Variants in WDR7 observed in about 807,000 individuals in gnomAD.
WDR7 encodes the protein WD repeat-containing protein 7.
In WDR7, 46 loss-of-function variants were observed where a neutral mutation model predicts 169.4. The ratio of observed to expected loss-of-function variants is 0.27; its 90% CI spans 0.21 to 0.35. The LOEUF (loss-of-function observed/expected upper bound fraction) is 0.35, where lower values mean the gene tolerates loss of function less well. WDR7 is among the 10% of genes least tolerant of loss of function. The pLI is 1.00. For missense variants in WDR7, 1,534 were observed against 1,859.3 expected, an observed-to-expected ratio of 0.83 and a Z score of 3.22; for synonymous variants, 612 against 666.8, an observed-to-expected ratio of 0.92 and a Z score of 1.27.
intron 26 of WDR7, among the ~76,000 whole-genome samples, chr18:57,006,907 G>C (rs946797122): frequency 5.3e-5 from 8 of 151,818 alleles, no homozygotes; most frequent in African/African-American, 1.9e-4. Flanking sequence ...ATGTGTGTAT[G>C]TATGTATACA....
At chr18:56,690,024 A>T (rs2025530499) in intron 7 of WDR7, among the ~76,000 whole-genome samples, 1 of 152,022 alleles carries the variant, frequency 6.6e-6, no homozygotes, top group Non-Finnish European at 1.5e-5. Context: ...GTAAAATAAA[A>T]CCTCTGATCT....
At chr18:56,709,619 T>C (rs886852457) in intron 12 of WDR7, among the ~76,000 whole-genome samples, 1 of 152,178 alleles carries the variant, frequency 6.6e-6, no homozygotes, top group Non-Finnish European at 1.5e-5. Context: ...AGTTAGCAAA[T>C]GGCAGAGCTC....
chr18:57,025,542 A>G (rs1310217310), intron 27 of WDR7, among the ~76,000 whole-genome samples: 4 of 152,194 alleles, frequency 2.6e-5, no homozygotes, highest in Non-Finnish European at 5.9e-5. Flanking sequence ...ACTTTAACAG[A>G]AAGAGTTAAC....
chr18:56,847,514 A>G (rs889302646), intron 20 of WDR7, among the ~76,000 whole-genome samples: 1 of 152,188 alleles, frequency 6.6e-6, no homozygotes, highest in South Asian at 2.1e-4. Context: ...CTTGCTAGAG[A>G]GGTTAGTGTG....
intron 26 of WDR7, among the ~76,000 whole-genome samples, chr18:56,981,565 G>A (rs1457421201): frequency 6.6e-6 from 1 of 152,148 alleles, no homozygotes; most frequent in Admixed American, 6.5e-5. Context: ...GATGCATCTG[G>A]CAACAATGGG....
chr18:56,909,253 G>A (rs1322352809), intron 21 of WDR7, among the ~76,000 whole-genome samples: 1 of 152,002 alleles, frequency 6.6e-6, no homozygotes, highest in African/African-American at 2.4e-5. Flanking sequence ...AGAAAGAAGG[G>A]TAGCATTTGG....
intron 22 of WDR7, 140 bp from the exon 23 acceptor site, chr18:56,935,648 A>G: frequency 1.3e-6 from 1 of 750,540 alleles, no homozygotes; most frequent in Non-Finnish European, 2.3e-6. Flanking sequence ...ATCACTGCCC[A>G]TTGTTGCAAG....
chr18:56,925,854 G>A (rs187662494), intron 22 of WDR7, among the ~76,000 whole-genome samples: 35 of 152,138 alleles, frequency 2.3e-4, no homozygotes, highest in South Asian at 6.2e-4. Flanking sequence ...ACTTTACCTC[G>A]GTGTCTCCCT....
rs141076721 is a variant in WDR7, at chr18:57,027,057, G to A, written c.4323G>A (p.Leu1441=). The A allele has an allele frequency of 2.9e-4, 466 of 1,614,132 alleles. No individual in the cohort carries two copies. The African/African-American group carries it at 5.5e-3, about 19-fold the overall frequency. Residue 1441 remains leucine (L), a synonymous_variant, in exon 28 of 28, where the codon CTG becomes CTA. Transcript: ENST00000254442. The part of the protein sequence containing the change: ...SIGMLNSAPQ[L]RCIKTYQVPP... ...GCATGCTGAACTCGGCACCTCAGCTGCGCTGCATTAAAACCTACCAGGTGC... is the reference window on the plus strand; with the variant it reads ...GCATGCTGAACTCGGCACCTCAGCTACGCTGCATTAAAACCTACCAGGTGC...
intron 26 of WDR7, among the ~76,000 whole-genome samples, chr18:56,965,634 G>A (rs1198919982): frequency 2.0e-5 from 3 of 151,970 alleles, no homozygotes; most frequent in African/African-American, 7.3e-5. Flanking sequence ...ACACACATTC[G>A]TTTATATATT....
rs117136204 is a variant in WDR7 at position 56,934,882 on chromosome 18, C to T, written c.3714-906C>T. Reference sequence around the variant, plus strand: ...TAACTCGGGAAACTATAATTGTATTCCATACTGAGTAACAAAATACTCCTT... The same window carrying T: ...TAACTCGGGAAACTATAATTGTATTTCATACTGAGTAACAAAATACTCCTT... On this transcript the variant is annotated intron_variant, in intron 22 of 27. Coordinates refer to ENST00000254442, the MANE Select transcript of WDR7 (RefSeq NM_015285.3). 1.1e-3 allele frequency among the ~76,000 whole-genome samples: 166 copies of T among 152,242 alleles called. 2 individuals carry two copies. The East Asian group carries it at 0.028, about 25-fold the overall frequency.
At chr18:56,858,049 C>G (rs148790453) in intron 20 of WDR7, among the ~76,000 whole-genome samples, 1 of 152,284 alleles carries the variant, frequency 6.6e-6, no homozygotes, top group East Asian at 1.9e-4. Context: ...AGCTTTCTCT[C>G]TCCAGATCTC....
In WDR7 at chr18:56,655,852, A is replaced by G. The variant is rs147706169; in HGVS notation, c.-20+4276A>G. Among the ~76,000 whole-genome samples the G allele has an allele frequency of 1.2e-3, 183 of 152,270 alleles. 1 individual carries two copies. The highest frequency in any genetic ancestry group is 3.5e-3 in the Admixed American group (53 of 15,304). ...ATTCATCCAAATTGTTGAATGAGAC[A>G]GTTCTTGAGATTCATCAACATTGTT... On this transcript the variant is annotated intron_variant, in intron 1 of 27. Coordinates refer to ENST00000254442, the MANE Select transcript of WDR7 (RefSeq NM_015285.3).
chr18:56,981,140 A>G (rs1227097986), intron 26 of WDR7, among the ~76,000 whole-genome samples: 1 of 152,202 alleles, frequency 6.6e-6, no homozygotes, highest in Non-Finnish European at 1.5e-5. Flanking sequence ...CCAATTTAAG[A>G]TAAAGCCTAA....
In WDR7 at chr18:56,898,977, T is replaced by A. The variant is rs181734949; in HGVS notation, c.3526+18812T>A. Among the ~76,000 whole-genome samples, 335 of 152,228 alleles carry A rather than the reference T, an allele frequency of 2.2e-3. 1 individual carries two copies. The highest frequency in any genetic ancestry group is 7.6e-3 in the African/African-American group (316 of 41,562). ...AAGCCAAAAATTATTTCAAAATAGTTCTTAAAAAGCGGTTCTTCCTAGGTA... is the reference window on the plus strand; with the variant it reads ...AAGCCAAAAATTATTTCAAAATAGTACTTAAAAAGCGGTTCTTCCTAGGTA... On this transcript the variant is annotated intron_variant, in intron 21 of 27. Coordinates refer to ENST00000254442, the MANE Select transcript of WDR7 (RefSeq NM_015285.3).
rs958222081 is a variant in WDR7 at position 56,881,326 on chromosome 18, A to AT, written c.3526+1170dup. On this transcript the variant is annotated intron_variant, in intron 21 of 27. Transcript: ENST00000254442. ...TAATGATGCAACTATTATGAGCACTATTTTTTTTTAGCTCTTTACATGCAT... is the reference window on the plus strand; with the variant it reads ...TAATGATGCAACTATTATGAGCACTATTTTTTTTTTAGCTCTTTACATGCAT... Among the ~76,000 whole-genome samples the AT allele has an allele frequency of 3.3e-4, 50 of 151,330 alleles. No individual in the cohort carries two copies. In the East Asian group the frequency reaches 4.5e-3, roughly 13 times the overall value.
chr18:56,859,951 G>A (rs1007766663), intron 20 of WDR7, among the ~76,000 whole-genome samples: 7 of 152,102 alleles, frequency 4.6e-5, no homozygotes, highest in Non-Finnish European at 8.8e-5. Context: ...ATTGATTTTT[G>A]TGGGGTATAA....
At chr18:56,651,611 A>G (rs501415) in intron 1 of WDR7, 35 bp downstream of exon 1, 36,102 of 152,210 alleles carry the variant, frequency 0.24, 6,546 homozygotes, top group African/African-American at 0.52. Context: ...ATGGGAAACC[A>G]CAGGGCGGGA....
chr18:56,943,255 A>G (rs1295281344), intron 25 of WDR7, among the ~76,000 whole-genome samples: 1 of 152,224 alleles, frequency 6.6e-6, no homozygotes, highest in African/African-American at 2.4e-5. Flanking sequence ...GCCTTTCATG[A>G]AATAGGAAAC....
Sources: gnomAD v4.1 joint callset for allele counts (sites outside exome capture counted in the v4.1 genomes callset) on GRCh38, gnomAD v4.1.1 for gene constraint, MANE v1.5 for transcripts, NCBI Gene and HGNC (gene_info 2026-07-23, HGNC 2026-07-21) for gene names.